PTPDC1: variants seen among roughly 807,000 people sequenced by gnomAD.
PTPDC1 encodes protein tyrosine phosphatase domain containing 1.
Under a neutral mutation model 75.3 loss-of-function variants are expected in PTPDC1, and 53 were observed. The observed-to-expected ratio is 0.70, with a 90% CI of 0.56 to 0.88. The LOEUF is 0.88. Ranked by LOEUF, PTPDC1 falls within the 40% of genes least tolerant of loss-of-function variation. The probability of loss-of-function intolerance (pLI) is 0.00; values close to 1 mark genes in which losing one functional copy is unlikely to be tolerated. For missense variants in PTPDC1, 925 were observed against 998.6 expected, an observed-to-expected ratio of 0.93 and a Z score of 0.99; for synonymous variants, 349 against 366.2, an observed-to-expected ratio of 0.95 and a Z score of 0.54.
chr9:94,080,389 C>T (rs1288462385), upstream of PTPDC1, among the ~76,000 whole-genome samples: 1 of 152,070 alleles, frequency 6.6e-6, no homozygotes. Flanking sequence ...AGGGTAAACT[C>T]TTGGTTTTCC....
Position 94,097,476 on chromosome 9 carries a change from A to G in PTPDC1, c.910A>G (p.Ile304Val), listed in dbSNP as rs763701285. 4 of 1,614,062 alleles carry G rather than the reference A, an allele frequency of 2.5e-6. No individual in the cohort carries two copies. The African/African-American group carries it at 5.3e-5, about 22-fold the overall frequency. The change falls in exon 6 of 9, where the codon ATA becomes GTA. Residue 304 changes from isoleucine to valine, a missense_variant. Transcript: ENST00000620992. Reference sequence around the variant, plus strand: ...TCAGTTTCTAACTCCTCTCCGCAATATATTCTCTTGCTGTGATCCCAAAGC... The same window carrying G: ...TCAGTTTCTAACTCCTCTCCGCAATGTATTCTCTTGCTGTGATCCCAAAGC... ...FTQFLTPLRN[I>V]FSCCDPKAHA...
rs1166454764 is a variant in PTPDC1, at chr9:94,066,546, TA to T, written c.82+1733del. ...AGAGTTAAATCTTGATTCTACTACT[TA>T]AAAAAAATTTACTTTTTTTTTATTT... is the stretch of plus-strand genomic sequence containing the variant. On this transcript the variant is annotated intron_variant, in intron 2 of 9. Transcript: ENST00000375360. Among the ~76,000 whole-genome samples the T allele has an allele frequency of 3.3e-5, 5 of 151,962 alleles. No individual in the cohort carries two copies. In the East Asian group the frequency reaches 5.8e-4, roughly 18 times the overall value.
intron 1 of PTPDC1, among the ~76,000 whole-genome samples, chr9:94,036,090 C>T (rs1326735391): frequency 6.8e-6 from 1 of 147,358 alleles, no homozygotes; most frequent in Non-Finnish European, 1.5e-5. Context: ...GATATTAATC[C>T]CTTATCAGAT....
chr9:94,108,170 TC>T lies in PTPDC1; in HGVS notation c.*227del, dbSNP rs1828087453. 2 of 302,412 alleles carry T rather than the reference TC, an allele frequency of 6.6e-6. No individual in the cohort carries two copies. The highest frequency in any genetic ancestry group is 1.2e-5 in the Non-Finnish European group (2 of 166,562). The allele number at this position is 302,412 out of a possible 1,614,324, so 18.7% of individuals were successfully genotyped here. A position where few individuals can be genotyped will look rare whatever the true frequency, so the allele number is the denominator to read the frequency against. ...AATTGCCATAAATTTGGTGCCACTT[TC>T]TTTTATTTATTTGACTGAGTTAATA... On this transcript the variant is annotated 3_prime_UTR_variant, in exon 9 of 9. Transcript: ENST00000620992.
chr9:94,098,621 A>G, intron 6 of PTPDC1, 42 bp downstream of exon 6: 1 of 1,507,564 alleles, frequency 6.6e-7, no homozygotes, highest in Non-Finnish European at 9.1e-7. Context: ...TGTGGGAAAT[A>G]TTTATGTCAG....
chr9:94,049,670 G>C (rs1013182994), intron 1 of PTPDC1, among the ~76,000 whole-genome samples: 1 of 152,040 alleles, frequency 6.6e-6, no homozygotes, highest in Non-Finnish European at 1.5e-5. Flanking sequence ...TTCAACTTTG[G>C]TGAATCTGAC....
intron 2 of PTPDC1, among the ~76,000 whole-genome samples, chr9:94,075,791 G>A (rs914521150): frequency 6.6e-6 from 1 of 152,186 alleles, no homozygotes; most frequent in South Asian, 2.1e-4. Flanking sequence ...ATTAAGGAAA[G>A]GAGAGCAGGA....
intron 1 of PTPDC1, 123 bp downstream of exon 1, chr9:94,084,897 C>T: frequency 1.5e-6 from 1 of 685,188 alleles, no homozygotes; most frequent in South Asian, 2.3e-5. Context: ...TTTTTGCTGT[C>T]TGTTATGCTA....
rs888335080 is a variant in PTPDC1, at chr9:94,093,876, C to T, written c.617-1441C>T. 4.9e-4 allele frequency among the ~76,000 whole-genome samples: 74 copies of T among 149,904 alleles called. 1 individual carries two copies. Among genetic ancestry groups the T allele is most frequent in the African/African-American group, 1.6e-3 (66 of 40,568 alleles). ...TACCCTTTCTTCCAGTTGATCGCAT[C>T]GGCTCCTGAGGCTTCTGCATTCTTC... On this transcript the variant is annotated intron_variant, in intron 4 of 8. Coordinates refer to ENST00000620992, the MANE Select transcript of PTPDC1 (RefSeq NM_001253829.2).
intron 5 of PTPDC1, among the ~76,000 whole-genome samples, chr9:94,097,023 G>A (rs1232811302): frequency 6.6e-6 from 1 of 152,150 alleles, no homozygotes; most frequent in East Asian, 1.9e-4. Flanking sequence ...CTTCCCTCCT[G>A]CACACTTACT....
chr9:94,080,885 A>T (rs1470582710), upstream of PTPDC1, among the ~76,000 whole-genome samples: 2 of 152,156 alleles, frequency 1.3e-5, no homozygotes, highest in Non-Finnish European at 2.9e-5. Context: ...ATTTTCAAGA[A>T]TATCTTTGTG....
chr9:94,055,596 A>C (rs1443690959), intron 1 of PTPDC1, among the ~76,000 whole-genome samples: 3 of 152,230 alleles, frequency 2.0e-5, no homozygotes, highest in Non-Finnish European at 4.4e-5. Flanking sequence ...AATCAATCTG[A>C]GAAGGCTACC....
chr9:94,077,366 G>A (rs926583849), intron 2 of PTPDC1, among the ~76,000 whole-genome samples: 4 of 152,150 alleles, frequency 2.6e-5, no homozygotes, highest in African/African-American at 9.7e-5. Flanking sequence ...CAGGTTGAGG[G>A]CTAAGTCTTA....
intron 1 of PTPDC1, among the ~76,000 whole-genome samples, chr9:94,060,059 G>A (rs2118488524): frequency 6.6e-6 from 1 of 152,244 alleles, no homozygotes. Flanking sequence ...ATAGAAAAGA[G>A]CATCCAAGCT....
intron 1 of PTPDC1, among the ~76,000 whole-genome samples, chr9:94,054,229 A>C (rs1295446280): frequency 6.6e-6 from 1 of 152,318 alleles, no homozygotes; most frequent in East Asian, 1.9e-4. Context: ...GAGTGTTTTA[A>C]ATTTTAATTA....
intron 8 of PTPDC1, among the ~76,000 whole-genome samples, chr9:94,104,996 T>C (rs1827965836): frequency 6.6e-6 from 1 of 152,216 alleles, no homozygotes; most frequent in African/African-American, 2.4e-5. Context: ...GTATCTATAA[T>C]TTGTTTGTTA....
chr9:94,072,416 T>A (rs549780949), intron 2 of PTPDC1, among the ~76,000 whole-genome samples: 2 of 152,320 alleles, frequency 1.3e-5, no homozygotes, highest in East Asian at 3.9e-4. Flanking sequence ...GAACTCACTT[T>A]CCATTCTGGG....
At chr9:94,064,938 G>T (rs1318980366) in intron 2 of PTPDC1, 2 of 728,286 alleles carry the variant, frequency 2.7e-6, no homozygotes, top group Non-Finnish European at 4.5e-6. Context: ...ATCCCAGGTT[G>T]CAAGTATTAC....
At chr9:94,059,841 AAAT>A (rs1826074642) in intron 1 of PTPDC1, among the ~76,000 whole-genome samples, 1 of 152,128 alleles carries the variant, frequency 6.6e-6, no homozygotes, top group Admixed American at 6.6e-5. Flanking sequence ...TTTAGCATCA[AAAT>A]ATATGGACCA....
Sources: allele counts gnomAD v4.1 joint callset (sites outside exome capture counted in the v4.1 genomes callset), GRCh38; gene constraint gnomAD v4.1.1; transcripts MANE v1.5; gene names NCBI Gene and HGNC (gene_info 2026-07-23, HGNC 2026-07-21).